The following LIMCH1 variants were observed in gnomAD, a reference collection of about 807,000 sequenced individuals.
LIMCH1 encodes LIM and calponin homology domains-containing protein 1.
In LIMCH1, 113 loss-of-function variants were observed where a neutral mutation model predicts 176.5. That is an observed-to-expected ratio of 0.64 (90% CI 0.55 to 0.75). LIMCH1 has a LOEUF of 0.75. LIMCH1 is among the 30% of genes least tolerant of loss of function. LIMCH1 has a pLI of 0.00. For missense variants in LIMCH1, 1,674 were observed against 1,814.9 expected (o/e 0.92, Z 1.41); for synonymous variants, 619 against 645.9 (o/e 0.96, Z 0.63).
At chr4:41,507,037 A>G (rs2074262201) in intron 2 of LIMCH1, among the ~76,000 whole-genome samples, 1 of 152,112 alleles carries the variant, frequency 6.6e-6, no homozygotes, top group African/African-American at 2.4e-5. Flanking sequence ...GGGTTTGAAT[A>G]TTTATCAGAA....
intron 1 of LIMCH1, among the ~76,000 whole-genome samples, chr4:41,437,067 C>T (rs1270805072): frequency 6.6e-6 from 1 of 152,186 alleles, no homozygotes; most frequent in Non-Finnish European, 1.5e-5. Context: ...TAGCTGTGTG[C>T]ATGCTTTAAA....
intron 2 of LIMCH1, among the ~76,000 whole-genome samples, chr4:41,523,265 C>A (rs1025449805): frequency 1.3e-5 from 2 of 152,136 alleles, no homozygotes; most frequent in Non-Finnish European, 1.5e-5. Flanking sequence ...AAACTTTTTC[C>A]ATAAAGCATC....
At chr4:41,510,523 T>C (rs1483400675) in intron 2 of LIMCH1, among the ~76,000 whole-genome samples, 1 of 152,206 alleles carries the variant, frequency 6.6e-6, no homozygotes, top group African/African-American at 2.4e-5. Flanking sequence ...CTGTTCTGAA[T>C]GTTCCCTTTG....
chr4:41,562,597 A>C (rs1377949625), intron 1 of LIMCH1, among the ~76,000 whole-genome samples: 1 of 152,180 alleles, frequency 6.6e-6, no homozygotes, highest in East Asian at 1.9e-4. Context: ...AGATAGCAAA[A>C]TCTGTAGCAA....
At chr4:41,625,325 C>A (rs566494629) in intron 7 of LIMCH1, among the ~76,000 whole-genome samples, 1 of 152,158 alleles carries the variant, frequency 6.6e-6, no homozygotes, top group South Asian at 2.1e-4. Context: ...AAAAGACTGT[C>A]CTTAAGGTCC....
intron 1 of LIMCH1, among the ~76,000 whole-genome samples, chr4:41,421,444 TTGGTTA>T (rs2060598080): frequency 1.3e-5 from 2 of 152,348 alleles, no homozygotes; most frequent in South Asian, 4.1e-4. Context: ...TTAACAGTTA[TTGGTTA>T]TGATTTTAAA....
intron 1 of LIMCH1, among the ~76,000 whole-genome samples, chr4:41,543,659 G>C (rs2152484252): frequency 6.6e-6 from 1 of 152,256 alleles, no homozygotes; most frequent in South Asian, 2.1e-4. Flanking sequence ...TCTTTGGTCT[G>C]AGTCTCAGCT....
intron 23 of LIMCH1, among the ~76,000 whole-genome samples, chr4:41,678,177 C>A (rs895398402): frequency 1.3e-5 from 2 of 151,530 alleles, no homozygotes; most frequent in South Asian, 4.2e-4. Flanking sequence ...TGAGTGAGAA[C>A]ATGCAGTGCG....
intron 1 of LIMCH1, among the ~76,000 whole-genome samples, chr4:41,468,059 A>G (rs1001670040): frequency 1.3e-5 from 2 of 152,226 alleles, no homozygotes; most frequent in African/African-American, 4.8e-5. Flanking sequence ...AGTTCAGTAT[A>G]GCAAGCCCAC....
chr4:41,694,723 T>C (rs1729116486), intron 31 of LIMCH1, among the ~76,000 whole-genome samples: 1 of 152,162 alleles, frequency 6.6e-6, no homozygotes, highest in Non-Finnish European at 1.5e-5. Flanking sequence ...GCATATATCT[T>C]GGTGAATATT....
chr4:41,363,998 G>A (rs909194115), intron 1 of LIMCH1, among the ~76,000 whole-genome samples: 4 of 152,286 alleles, frequency 2.6e-5, no homozygotes, highest in Non-Finnish European at 4.4e-5. Flanking sequence ...AGACCTTGGA[G>A]CTGGGCATCC....
chr4:41,508,678 T>C (rs935215076), intron 2 of LIMCH1, among the ~76,000 whole-genome samples: 1 of 152,082 alleles, frequency 6.6e-6, no homozygotes, highest in Non-Finnish European at 1.5e-5. Flanking sequence ...ACAAAAGAGC[T>C]ATCAGAGAGA....
Position 41,429,223 on chromosome 4 carries a change from A to G in LIMCH1, c.97-65313A>G, listed in dbSNP as rs1404692412. 2.6e-5 allele frequency among the ~76,000 whole-genome samples: 4 copies of G among 152,114 alleles called. No individual in the cohort carries two copies. The East Asian group carries it at 7.7e-4, about 29-fold the overall frequency. On this transcript the variant is annotated intron_variant, in intron 1 of 26. Transcript: ENST00000313860. ...ATGTTTTTGTTTTTTGGTTTGCTTT[A>G]TTCTCATTTTTTCCCTTGGGCTCTT...
intron 31 of LIMCH1, 95 bp from the exon 32 acceptor site, chr4:41,697,065 G>T: frequency 7.8e-7 from 1 of 1,287,716 alleles, no homozygotes; most frequent in Non-Finnish European, 1.1e-6. Flanking sequence ...AGGAGACTTT[G>T]GTAAAGGCAG....
At chr4:41,553,954 T>C (rs2080890584) in intron 1 of LIMCH1, among the ~76,000 whole-genome samples, 1 of 152,170 alleles carries the variant, frequency 6.6e-6, no homozygotes, top group Non-Finnish European at 1.5e-5. Context: ...CTCAGTAGTA[T>C]TAGGCCAGAG....
intron 1 of LIMCH1, among the ~76,000 whole-genome samples, chr4:41,468,352 C>CCTCA (rs1230136479): frequency 5.5e-5 from 1 of 18,234 alleles, no homozygotes; most frequent in Non-Finnish European, 2.1e-4. Flanking sequence ...CCCTCCTCCT[C>CCTCA]CTCCCTCCCT....
At chr4:41,527,822 CAAAAAAAAAAAAA>C (rs34651693) in intron 3 of LIMCH1, among the ~76,000 whole-genome samples, 4 of 47,124 alleles carry the variant, frequency 8.5e-5, no homozygotes, top group Admixed American at 5.9e-4. Context: ...GACTCCGTCT[CAAAAAAAAAAAAA>C]AAAAAAAAAA....
At chr4:41,527,586 A>G (rs1220577521) in intron 3 of LIMCH1, among the ~76,000 whole-genome samples, 2 of 152,188 alleles carry the variant, frequency 1.3e-5, no homozygotes, top group Non-Finnish European at 2.9e-5. Context: ...CTGTAATCCC[A>G]GCACTTTGGG....
At chr4:41,667,411 C>CGT (rs148461748) in intron 21 of LIMCH1, among the ~76,000 whole-genome samples, 17,908 of 150,036 alleles carry the variant, frequency 0.12, 1,354 homozygotes, top group Middle Eastern at 0.25. Flanking sequence ...ATATGAGAAA[C>CGT]GTGTGTGTGT....
Sources: gnomAD v4.1 joint callset for allele counts (sites outside exome capture counted in the v4.1 genomes callset) on GRCh38, gnomAD v4.1.1 for gene constraint, MANE v1.5 for transcripts, NCBI Gene and HGNC (gene_info 2026-07-23, HGNC 2026-07-21) for gene names.